Variants in GLI4 observed in about 807,000 individuals in gnomAD.
GLI4 encodes the protein GLI family zinc finger 4, also known as zinc finger protein GLI4.
Under a neutral mutation model 30.9 loss-of-function variants are expected in GLI4, and 34 were observed. That is an observed-to-expected ratio of 1.10 (90% CI 0.84 to 1.47). The LOEUF is 1.47. Among genes scored for constraint, GLI4 ranks in the 40% most tolerant of loss-of-function variants. The pLI, the probability that GLI4 is intolerant of heterozygous loss-of-function variation, is 0.00. For missense variants in GLI4, 696 were observed against 538.9 expected, an observed-to-expected ratio of 1.29 and a Z score of -2.89; for synonymous variants, 277 against 236.7, an observed-to-expected ratio of 1.17 and a Z score of -1.56.
In GLI4 at chr8:143,276,839, C is replaced by A; in HGVS notation, c.*35C>A. ...GGCTCGGGGCTCGGCCTCCTACCTG[C>A]CCCCAACCCACCCTCCACCCCGTCC... is the stretch of plus-strand genomic sequence containing the variant. On this transcript the variant is annotated 3_prime_UTR_variant, in exon 4 of 4. Transcript: ENST00000340042. 2 of 1,344,400 alleles carry A rather than the reference C, an allele frequency of 1.5e-6. No homozygotes were observed. Among genetic ancestry groups the A allele is most frequent in the Non-Finnish European group, 2.0e-6 (2 of 992,808 alleles). 83.3% of individuals were successfully genotyped at this position (1,344,400 alleles called of 1,614,324 possible).
chr8:143,269,600 C>G (rs1815221329), intron 2 of GLI4, 80 bp downstream of exon 2: 1 of 1,224,670 alleles, frequency 8.2e-7, no homozygotes. Flanking sequence ...TCCTGACCTG[C>G]CACGCTGGCT....
intron 3 of GLI4, 194 bp from the exon 4 acceptor site, chr8:143,275,702 CT>C (rs1424310530): frequency 6.2e-5 from 77 of 1,242,396 alleles, no homozygotes; most frequent in Non-Finnish European, 6.1e-5. Flanking sequence ...CCCCCCACCC[CT>C]GTGTCTATGT....
At chr8:143,272,635 A>T (rs750290878) in intron 2 of GLI4, among the ~76,000 whole-genome samples, 4 of 152,194 alleles carry the variant, frequency 2.6e-5, no homozygotes. Context: ...CACCCTGTGG[A>T]GACCTGGCAC....
chr8:143,276,724 T>C lies in GLI4; in HGVS notation c.1051T>C (p.Phe351Leu), dbSNP rs750401304. 1.9e-6 allele frequency: 3 copies of C among 1,610,216 alleles called. No homozygotes were observed. The highest frequency in any genetic ancestry group is 1.1e-5 in the South Asian group (1 of 90,848). The part of the protein sequence containing the change: ...HLRTHTGEKP[F>L]ACGACGKAFG... ...GCGGACCCACACGGGCGAGAAGCCCTTCGCGTGTGGCGCCTGCGGCAAGGC... is the reference window on the plus strand; with the variant it reads ...GCGGACCCACACGGGCGAGAAGCCCCTCGCGTGTGGCGCCTGCGGCAAGGC... The change falls in exon 4 of 4, where the codon TTC becomes CTC. Residue 351 changes from phenylalanine to leucine, a missense_variant. Physicochemically the swap from Phe to Leu is conservative, Grantham distance 22. Transcript: ENST00000340042.
chr8:143,269,591 C>T, intron 2 of GLI4, 71 bp downstream of exon 2: 2 of 1,291,322 alleles, frequency 1.5e-6, no homozygotes, highest in Non-Finnish European at 2.2e-6. Context: ...CCTGTCTCCT[C>T]CTGACCTGCC....
In GLI4 at chr8:143,276,826, G is replaced by A. The variant is rs1438257644; in HGVS notation, c.*22G>A. 2.7e-6 allele frequency: 4 copies of A among 1,472,900 alleles called. No homozygotes were observed. The highest frequency in any genetic ancestry group is 2.8e-5 in the African/African-American group (2 of 71,994). 91.2% of individuals were successfully genotyped at this position (1,472,900 alleles called of 1,614,324 possible). Reference sequence around the variant, plus strand: ...GTAGCCGGGCGGGGGCTCGGGGCTCGGCCTCCTACCTGCCCCCAACCCACC... The same window carrying A: ...GTAGCCGGGCGGGGGCTCGGGGCTCAGCCTCCTACCTGCCCCCAACCCACC... On this transcript the variant is annotated 3_prime_UTR_variant, in exon 4 of 4. Coordinates refer to ENST00000340042, the MANE Select transcript of GLI4 (RefSeq NM_138465.4).
chr8:143,271,690 T>A (rs1815271208), intron 2 of GLI4, among the ~76,000 whole-genome samples: 1 of 152,098 alleles, frequency 6.6e-6, no homozygotes, highest in Non-Finnish European at 1.5e-5. Context: ...GGTGCGTTGC[T>A]GGGCACCAGG....
Position 143,276,198 on chromosome 8 carries a change from C to T in GLI4, c.525C>T (p.Gly175=), listed in dbSNP as rs763613106. Residue 175 remains glycine, a synonymous_variant, in exon 4 of 4, where the codon GGC becomes GGT. Coordinates refer to ENST00000340042, the MANE Select transcript of GLI4 (RefSeq NM_138465.4). ...LGVNFGRSRQ[G]SARGAKPHRC... is the part of the protein sequence containing the mutation. ...TCAACTTCGGTCGGAGCCGGCAGGG[C>T]AGCGCGCGGGGGGCCAAGCCGCACA... The T allele has an allele frequency of 4.5e-5, 71 of 1,569,236 alleles. No individual in the cohort carries two copies. Among genetic ancestry groups the T allele is most frequent in the Non-Finnish European group, 5.1e-5 (59 of 1,158,154 alleles).
At position 143,276,132 on chromosome 8, in the gene GLI4, C is replaced by A. The variant is rs1056146; in HGVS notation, c.459C>A (p.Ala153=). The change falls in exon 4 of 4, where the codon GCC becomes GCA. Residue 153 remains alanine (A), a synonymous_variant. Transcript: ENST00000340042. ...WRVTLVQQAA[A]GPEGAPERAA... is the part of the protein sequence containing the mutation. ...TGACGCTCGTGCAGCAAGCAGCGGCCGGGCCCGAGGGTGCGCCCGAGCGGG... is the reference window on the plus strand; with the variant it reads ...TGACGCTCGTGCAGCAAGCAGCGGCAGGGCCCGAGGGTGCGCCCGAGCGGG... 1 of 1,533,976 alleles carries A rather than the reference C, an allele frequency of 6.5e-7. No homozygotes were observed.
rs116173009 is a variant in GLI4 at position 143,268,131 on chromosome 8, C to T, written c.-38+647C>T. 2.4e-3 allele frequency: 2,357 copies of T among 975,340 alleles called. 37 individuals are homozygous for T. The African/African-American group carries it at 0.037, about 15-fold the overall frequency. 60.4% of individuals were successfully genotyped at this position (975,340 alleles called of 1,614,324 possible). A position where few individuals can be genotyped will look rare whatever the true frequency, so the allele number is the denominator to read the frequency against. On this transcript the variant is annotated intron_variant, in intron 1 of 3. Transcript: ENST00000340042. The stretch of plus-strand genomic sequence containing the variant: ...AACTAAGTAACTTGAGATGTGACTT[C>T]AGGGTGGAGGACCTGCACCCAGTGG...
Position 143,275,964 on chromosome 8 carries a change from C to T in GLI4, c.291C>T (p.Gly97=), listed in dbSNP as rs1274699266. Residue 97 remains glycine (G), a synonymous_variant, in exon 4 of 4, where the codon GGC becomes GGT. Coordinates refer to ENST00000340042, the MANE Select transcript of GLI4 (RefSeq NM_138465.4). ...CTCAGGCCCCTGACGAGGGGGCGGG[C>T]GGGGCGCTGCGCAGCCTCCTGAGGA... ...PGSQAPDEGA[G]GALRSLLRSL... is the part of the protein sequence containing the mutation. 3.5e-5 allele frequency: 47 copies of T among 1,331,848 alleles called. No individual in the cohort carries two copies. Among genetic ancestry groups the T allele is most frequent in the African/African-American group, 9.2e-5 (6 of 65,292 alleles). 82.5% of individuals were successfully genotyped at this position (1,331,848 alleles called of 1,614,324 possible).
At position 143,276,637 on chromosome 8, in the gene GLI4, C is replaced by G. The variant is rs1245363951; in HGVS notation, c.964C>G (p.Pro322Ala). 6.2e-7 allele frequency: 1 copy of G among 1,612,510 alleles called. No individual in the cohort carries two copies. The highest frequency in any genetic ancestry group is 1.3e-5 in the African/African-American group (1 of 74,920). ...CCAGCGCATCCACACTGGCGAGAAG[C>G]CCTACGAGTGCTCCGACTGCGGCAA... ...EHQRIHTGEK[P>A]YECSDCGKAF... The change falls in exon 4 of 4, where the codon CCC (proline) becomes GCC (alanine). Residue 322 changes from proline (P) to alanine (A), a missense_variant. Coordinates refer to ENST00000340042, the MANE Select transcript of GLI4 (RefSeq NM_138465.4).
At chr8:143,274,181 G>C (rs2129683563) in intron 2 of GLI4, among the ~76,000 whole-genome samples, 1 of 152,316 alleles carries the variant, frequency 6.6e-6, no homozygotes, top group South Asian at 2.1e-4. Context: ...CAGTGCGCTG[G>C]GCCTGCTGGA....
In GLI4 at chr8:143,276,172, G is replaced by T. The variant is rs761713655; in HGVS notation, c.499G>T (p.Val167Phe). 91 of 1,554,320 alleles carry T rather than the reference G, an allele frequency of 5.9e-5. No homozygotes were observed. Among genetic ancestry groups the T allele is most frequent in the Non-Finnish European group, 7.7e-5 (89 of 1,149,738 alleles). ...GAPERAAELG[V>F]NFGRSRQGSA... ...GCCCGAGCGGGCTGCCGAGCTGGGA[G>T]TCAACTTCGGTCGGAGCCGGCAGGG... The change falls in exon 4 of 4, where the codon GTC becomes TTC. Residue 167 changes from valine (V) to phenylalanine (F), a missense_variant. Transcript: ENST00000340042.
chr8:143,276,671 G>A lies in GLI4; in HGVS notation c.998G>A (p.Arg333His), dbSNP rs1347624486. 1 of 1,611,390 alleles carries A rather than the reference G, an allele frequency of 6.2e-7. No homozygotes were observed. Among genetic ancestry groups the A allele is most frequent in the African/African-American group, 1.3e-5 (1 of 74,738 alleles). ...TGCTCCGACTGCGGCAAAGCCTTCC[G>A]CGGCCGCTCGCACTTCTTCCGGCAC... ...YECSDCGKAF[R>H]GRSHFFRHLR... The change falls in exon 4 of 4, where the codon CGC becomes CAC. Residue 333 changes from arginine (R) to histidine (H), a missense_variant. By Grantham distance (29) the Arg-to-His change is conservative (BLOSUM62 0). Coordinates refer to ENST00000340042, the MANE Select transcript of GLI4 (RefSeq NM_138465.4).
At chr8:143,269,302 C>G (rs1447648000) in intron 1 of GLI4, 58 bp from the exon 2 acceptor site, 7 of 1,329,612 alleles carry the variant, frequency 5.3e-6, no homozygotes, top group Non-Finnish European at 7.4e-6. Flanking sequence ...TCCTCCTGCA[C>G]CATCCCCCCG....
chr8:143,271,965 G>GCT (rs1815278472), intron 2 of GLI4, among the ~76,000 whole-genome samples: 1 of 152,226 alleles, frequency 6.6e-6, no homozygotes, highest in Non-Finnish European at 1.5e-5. Context: ...CAGGAGCTGG[G>GCT]CTGGGCTTGG....
At chr8:143,275,703 T>A in intron 3 of GLI4, 194 bp from the exon 4 acceptor site, 1 of 1,239,628 alleles carries the variant, frequency 8.1e-7, no homozygotes. Context: ...CCCCCACCCC[T>A]GTGTCTATGT....
intron 3 of GLI4, chr8:143,275,473 T>C: frequency 1.5e-6 from 2 of 1,355,436 alleles, no homozygotes; most frequent in Non-Finnish European, 1.9e-6. Flanking sequence ...GGCAGCCCCA[T>C]GAGGAGCTGT....
Sources: allele counts gnomAD v4.1 joint callset (sites outside exome capture counted in the v4.1 genomes callset), GRCh38; gene constraint gnomAD v4.1.1; transcripts MANE v1.5; gene names NCBI Gene and HGNC (gene_info 2026-07-23, HGNC 2026-07-21).